Variants in C1orf87 observed in about 807,000 individuals in gnomAD.
C1orf87 encodes chromosome 1 open reading frame 87, also known as uncharacterized protein C1orf87.
Under a neutral mutation model 60.5 loss-of-function variants are expected in C1orf87, and 58 were observed. That is an observed-to-expected ratio of 0.96 (90% CI 0.78 to 1.19). The LOEUF (loss-of-function observed/expected upper bound fraction) is 1.19, where lower values mean the gene tolerates loss of function less well. C1orf87 is among the 50% of genes most tolerant of loss of function. The pLI, the probability that C1orf87 is intolerant of heterozygous loss-of-function variation, is 0.00. For synonymous variants in C1orf87, 236 were observed against 227.4 expected (o/e 1.04, Z -0.34); for missense variants, 673 against 638.6 (o/e 1.05, Z -0.58).
intron 6 of C1orf87, among the ~76,000 whole-genome samples, chr1:60,035,270 C>T (rs1187677296): frequency 6.6e-6 from 1 of 152,168 alleles, no homozygotes; most frequent in Non-Finnish European, 1.5e-5. Context: ...CTTGCAAGGA[C>T]AGTTTCTGGG....
At chr1:60,000,357 C>T (rs548879858) in intron 10 of C1orf87, among the ~76,000 whole-genome samples, 16 of 152,110 alleles carry the variant, frequency 1.1e-4, no homozygotes, top group African/African-American at 3.9e-4. Flanking sequence ...TCACAACAGA[C>T]TTAACACTCA....
At chr1:60,012,187 A>AC (rs1447899916) in intron 8 of C1orf87, among the ~76,000 whole-genome samples, 10 of 151,786 alleles carry the variant, frequency 6.6e-5, no homozygotes, top group Admixed American at 6.6e-5. Context: ...TGAAAAAAAA[A>AC]ACACAAAACA....
In C1orf87 at chr1:60,055,379, T is replaced by C; in HGVS notation, c.167A>G (p.Asp56Gly). The C allele has an allele frequency of 6.2e-7, 1 of 1,614,188 alleles. No individual in the cohort carries two copies. The highest frequency in any genetic ancestry group is 1.1e-5 in the South Asian group (1 of 91,080). ...TQTMHQKPMT[D>G]NARQMSRDTP... ...GTCTCTGCTCATCTGCCTTGCATTA[T>C]CAGTCATTGGTTTCTGGTGCATTGT... Residue 56 changes from aspartate (D) to glycine (G), a missense_variant, in exon 3 of 12, where the codon GAT (aspartate) becomes GGT (glycine). Coordinates refer to ENST00000371201, the MANE Select transcript of C1orf87 (RefSeq NM_152377.3).
chr1:59,999,519 G>A (rs1328664605), intron 10 of C1orf87, among the ~76,000 whole-genome samples: 1 of 152,118 alleles, frequency 6.6e-6, no homozygotes, highest in Non-Finnish European at 1.5e-5. Flanking sequence ...CTTTTAAGTA[G>A]TTTTATATTT....
At chr1:60,021,562 C>G (rs1184575787) in intron 8 of C1orf87, among the ~76,000 whole-genome samples, 2 of 152,092 alleles carry the variant, frequency 1.3e-5, no homozygotes, top group African/African-American at 4.8e-5. Context: ...TAATTCAGTT[C>G]AAGTCAATGT....
intron 2 of C1orf87, among the ~76,000 whole-genome samples, chr1:60,065,899 T>C (rs2100333430): frequency 6.6e-6 from 1 of 151,980 alleles, no homozygotes; most frequent in East Asian, 1.9e-4. Flanking sequence ...AGAGCTGCAA[T>C]AAAGCAAATA....
At chr1:60,037,463 C>T (rs1168247751) in intron 6 of C1orf87, among the ~76,000 whole-genome samples, 1 of 152,136 alleles carries the variant, frequency 6.6e-6, no homozygotes, top group African/African-American at 2.4e-5. Context: ...CTTGAAAGGG[C>T]CTTCTTGCTG....
intron 9 of C1orf87, among the ~76,000 whole-genome samples, chr1:60,009,889 G>A (rs191272026): frequency 5.3e-5 from 8 of 151,840 alleles, no homozygotes; most frequent in African/African-American, 1.2e-4. Context: ...CAACTGCATC[G>A]TTTTATCAAT....
chr1:60,006,490 G>A (rs1348885817), intron 9 of C1orf87, among the ~76,000 whole-genome samples: 1 of 151,920 alleles, frequency 6.6e-6, no homozygotes, highest in Non-Finnish European at 1.5e-5. Flanking sequence ...TGAGTGATAG[G>A]TCTTCAAGAA....
chr1:60,021,328 C>G (rs1448012277), intron 8 of C1orf87, among the ~76,000 whole-genome samples: 1 of 152,150 alleles, frequency 6.6e-6, no homozygotes, highest in Non-Finnish European at 1.5e-5. Context: ...GCATGGAGAT[C>G]ACTATGTAGA....
chr1:60,022,105 T>G (rs558576553), intron 8 of C1orf87, among the ~76,000 whole-genome samples: 1 of 103,096 alleles, frequency 9.7e-6, no homozygotes, highest in African/African-American at 3.5e-5. Context: ...TATAGAGGAC[T>G]TTGATTTTTT....
chr1:60,042,186 A>G (rs1303612484), intron 3 of C1orf87, among the ~76,000 whole-genome samples: 1 of 152,172 alleles, frequency 6.6e-6, no homozygotes, highest in Non-Finnish European at 1.5e-5. Context: ...ATCTGATTAA[A>G]ACAAAAACTT....
intron 6 of C1orf87, among the ~76,000 whole-genome samples, chr1:60,037,343 C>A (rs1167412660): frequency 6.6e-6 from 1 of 152,154 alleles, no homozygotes; most frequent in Non-Finnish European, 1.5e-5. Context: ...CTGTCTAAGT[C>A]TATTTTGGGC....
chr1:60,004,885 C>A (rs1645031576), intron 9 of C1orf87, among the ~76,000 whole-genome samples: 1 of 141,362 alleles, frequency 7.1e-6, no homozygotes, highest in East Asian at 2.6e-4. Flanking sequence ...GACTTGAAAT[C>A]AGTAGCCTTT....
intron 7 of C1orf87, among the ~76,000 whole-genome samples, chr1:60,030,022 G>T (rs1645226213): frequency 6.6e-6 from 1 of 152,050 alleles, no homozygotes; most frequent in Admixed American, 6.5e-5. Flanking sequence ...GCTTTCAGGT[G>T]GGCACATTGG....
At position 60,062,417 on chromosome 1, in the gene C1orf87, A is replaced by G. The variant is rs752382018; in HGVS notation, c.108-6979T>C. Among the ~76,000 whole-genome samples the G allele has an allele frequency of 2.6e-5, 4 of 152,152 alleles. No individual in the cohort carries two copies. The East Asian group carries it at 5.8e-4, about 22-fold the overall frequency. On this transcript the variant is annotated intron_variant, in intron 2 of 11. Coordinates refer to ENST00000371201, the MANE Select transcript of C1orf87 (RefSeq NM_152377.3). ...AGATACAGATCTTATGCCAAAGTAC[A>G]TATACTTTTAAGGCTTTCAATAAGT...
At chr1:60,027,521 A>G (rs1199241667) in intron 7 of C1orf87, among the ~76,000 whole-genome samples, 2 of 152,216 alleles carry the variant, frequency 1.3e-5, no homozygotes, top group Non-Finnish European at 2.9e-5. Context: ...TGAGAAACAG[A>G]CTATCTTTTC....
intron 3 of C1orf87, among the ~76,000 whole-genome samples, chr1:60,051,799 G>T (rs374099564): frequency 2.8e-4 from 42 of 152,292 alleles, no homozygotes; most frequent in African/African-American, 9.6e-4. Context: ...GAAAGATAAG[G>T]TTTTGAGAGA....
At chr1:60,032,861 T>C (rs1574311502) in intron 7 of C1orf87, among the ~76,000 whole-genome samples, 1 of 152,300 alleles carries the variant, frequency 6.6e-6, no homozygotes, top group East Asian at 1.9e-4. Flanking sequence ...TTTAGCACGG[T>C]GCTTGGCACT....
Sources: allele counts gnomAD v4.1 joint callset (sites outside exome capture counted in the v4.1 genomes callset), GRCh38; gene constraint gnomAD v4.1.1; transcripts MANE v1.5; gene names NCBI Gene and HGNC (gene_info 2026-07-23, HGNC 2026-07-21).